KCNQ1OT1: variants seen among roughly 807,000 people sequenced by gnomAD.
KCNQ1OT1 encodes KCNQ1 antisense RNA 2 (non-protein coding).
chr11:2,638,189 A>G (rs1564841332), exon 1 of KCNQ1OT1: 2 of 152,148 alleles, frequency 1.3e-5, no homozygotes, highest in South Asian at 2.1e-4. Flanking sequence ...TTTAAGGTTA[A>G]TATTGTTATG....
exon 1 of KCNQ1OT1, chr11:2,672,268 C>A (rs893153938): frequency 5.0e-6 from 2 of 398,654 alleles, no homozygotes; most frequent in South Asian, 2.5e-4. Context: ...TTTTGAACTG[C>A]CCCACGAACC....
In KCNQ1OT1 at chr11:2,663,017, G is replaced by C. The variant is rs982806457; in HGVS notation, n.36978C>G. Reference sequence around the variant, plus strand: ...GGCCTTGCAAATCACTGAGGAAATCGGGACCCATGGTGCTGGGGGCTGCAG... The same window carrying C: ...GGCCTTGCAAATCACTGAGGAAATCCGGACCCATGGTGCTGGGGGCTGCAG... On this transcript the variant is annotated non_coding_transcript_exon_variant, in exon 1 of 1. Transcript: ENST00000597346. This position sits in a 1 kb window ranked among gnomAD's most constrained non-coding sequence, Gnocchi z 5.2. 7.5e-6 allele frequency: 3 copies of C among 398,734 alleles called. No individual in the cohort carries two copies. In the Admixed American group the frequency reaches 1.3e-4, roughly 18 times the overall value. 24.7% of individuals were successfully genotyped at this position (398,734 alleles called of 1,614,324 possible).
rs1473736668 is a variant in KCNQ1OT1, at chr11:2,698,749, CAG to C, written n.1244_1245del. On this transcript the variant is annotated non_coding_transcript_exon_variant, in exon 1 of 1. Transcript: ENST00000597346. The surrounding 1 kb of genome is among the most constrained non-coding windows in gnomAD (Gnocchi z 5.1). ...CTCGGACCTCCCTTGGATCTCAACT[CAG>C]AGCCATGATGCAGACTCCAGACCGG... The C allele has an allele frequency of 5.0e-6, 2 of 398,698 alleles. No homozygotes were observed. The highest frequency in any genetic ancestry group is 4.1e-5 in the African/African-American group (2 of 48,576). The allele number at this position is 398,698 out of a possible 1,614,324, so 24.7% of individuals were successfully genotyped here.
In KCNQ1OT1 at chr11:2,661,876, G is replaced by A; in HGVS notation, n.38119C>T. On this transcript the variant is annotated non_coding_transcript_exon_variant, in exon 1 of 1. Coordinates refer to ENST00000597346, the Ensembl canonical transcript of KCNQ1OT1. The surrounding 1 kb of genome is among the most constrained non-coding windows in gnomAD (Gnocchi z 5.9). Reference sequence around the variant, plus strand: ...AGGCACAAGCTCCACTCCTCACCTGGCCCTGGGAGCTCACAGGCCTGGCTC... The same window carrying A: ...AGGCACAAGCTCCACTCCTCACCTGACCCTGGGAGCTCACAGGCCTGGCTC... 1 of 1,557,188 alleles carries A rather than the reference G, an allele frequency of 6.4e-7. No individual in the cohort carries two copies. The highest frequency in any genetic ancestry group is 2.2e-5 in the East Asian group (1 of 44,582).
exon 1 of KCNQ1OT1, chr11:2,686,290 C>G: frequency 7.5e-6 from 3 of 398,726 alleles, no homozygotes; most frequent in Non-Finnish European, 1.3e-5. Context: ...CTTGGGAGGC[C>G]AGACCACAGA....
rs1849864579 is a variant in KCNQ1OT1 at position 2,657,144 on chromosome 11, G to A, written n.42851C>T. On this transcript the variant is annotated non_coding_transcript_exon_variant, in exon 1 of 1. Coordinates refer to ENST00000597346, the Ensembl canonical transcript of KCNQ1OT1. This position sits in a 1 kb window ranked among gnomAD's most constrained non-coding sequence, Gnocchi z 4.8. ...CCACTGCCTTGGAAGAAGTACTGATGTTTGGTACAGCAAGTTCTCCCACCT... is the reference window on the plus strand; with the variant it reads ...CCACTGCCTTGGAAGAAGTACTGATATTTGGTACAGCAAGTTCTCCCACCT... 5.0e-6 allele frequency: 2 copies of A among 398,502 alleles called. No individual in the cohort carries two copies. Among genetic ancestry groups the A allele is most frequent in the Non-Finnish European group, 8.8e-6 (2 of 226,064 alleles). The allele number at this position is 398,502 out of a possible 1,614,324, so 24.7% of individuals were successfully genotyped here. A position where few individuals can be genotyped will look rare whatever the true frequency, so the allele number is the denominator to read the frequency against.
exon 1 of KCNQ1OT1, chr11:2,660,783 T>G: frequency 2.5e-6 from 1 of 398,608 alleles, no homozygotes; most frequent in Non-Finnish European, 4.4e-6. Flanking sequence ...TACAACTTCT[T>G]GGGAAAGCAA....
exon 1 of KCNQ1OT1, chr11:2,648,583 G>A (rs1299914807): frequency 1.5e-5 from 6 of 398,378 alleles, no homozygotes; most frequent in Non-Finnish European, 2.2e-5. Context: ...TTCAATTTCA[G>A]AAGTTCCTCT....
Position 2,620,216 on chromosome 11 carries a change from T to TTTTTTTA in KCNQ1OT1, n.79778_79779insTAAAAAA, listed in dbSNP as rs1849144916. 1 of 277,704 alleles carries TTTTTTTA rather than the reference T, an allele frequency of 3.6e-6. No individual in the cohort carries two copies. The highest frequency in any genetic ancestry group is 2.3e-5 in the African/African-American group (1 of 44,306). 17.2% of individuals were successfully genotyped at this position (277,704 alleles called of 1,614,324 possible). ...TCATTCATGTATATATATATATTTT[T>TTTTTTTA]TTTTTTTATTTTTTTTTTAGACGGA... On this transcript the variant is annotated non_coding_transcript_exon_variant, in exon 1 of 1. Coordinates refer to ENST00000597346, the Ensembl canonical transcript of KCNQ1OT1. The surrounding 1 kb of genome is among the most constrained non-coding windows in gnomAD (Gnocchi z 4.5).
At chr11:2,618,353 T>C in exon 1 of KCNQ1OT1, 1 of 398,532 alleles carries the variant, frequency 2.5e-6, no homozygotes, top group Non-Finnish European at 4.4e-6. Context: ...GTTTACAAAT[T>C]TGTGTTGGGC....
chr11:2,631,957 C>A, exon 1 of KCNQ1OT1: 2 of 396,508 alleles, frequency 5.0e-6, no homozygotes, highest in East Asian at 3.6e-5. Context: ...CTGAGGAGGG[C>A]AGATCACAAG....
exon 1 of KCNQ1OT1, chr11:2,614,042 C>CTA: frequency 2.5e-6 from 1 of 398,590 alleles, no homozygotes; most frequent in Non-Finnish European, 4.4e-6. Flanking sequence ...TGTGACTGTG[C>CTA]TATAACCTTT....
rs1407236265 is a variant in KCNQ1OT1 at position 2,679,878 on chromosome 11, C to T, written n.20117G>A. On this transcript the variant is annotated non_coding_transcript_exon_variant, in exon 1 of 1. Coordinates refer to ENST00000597346, the Ensembl canonical transcript of KCNQ1OT1. The surrounding 1 kb of genome is among the most constrained non-coding windows in gnomAD (Gnocchi z 4.8). ...TTTTTTCATATAAACTTAGAACTAGCACGCCTAATTTTTTTTTTATTTTTA... is the reference window on the plus strand; with the variant it reads ...TTTTTTCATATAAACTTAGAACTAGTACGCCTAATTTTTTTTTTATTTTTA... 4 of 398,216 alleles carry T rather than the reference C, an allele frequency of 1.0e-5. No homozygotes were observed. The highest frequency in any genetic ancestry group is 1.3e-5 in the Non-Finnish European group (3 of 226,020). The allele number at this position is 398,216 out of a possible 1,614,324, so 24.7% of individuals were successfully genotyped here.
exon 1 of KCNQ1OT1, chr11:2,667,692 G>T: frequency 2.5e-6 from 1 of 398,754 alleles, no homozygotes; most frequent in South Asian, 1.3e-4. Context: ...GCACGGAGGT[G>T]ACCTAGTCAG....
At chr11:2,667,505 G>A (rs1850100021) in exon 1 of KCNQ1OT1, 1 of 398,182 alleles carries the variant, frequency 2.5e-6, no homozygotes, top group Non-Finnish European at 4.4e-6. Flanking sequence ...CGCCACAGAG[G>A]TGGCTGGAGG....
At position 2,687,808 on chromosome 11, in the gene KCNQ1OT1, C is replaced by T; in HGVS notation, n.12187G>A. The T allele has an allele frequency of 2.5e-6, 1 of 398,746 alleles. No homozygotes were observed. The highest frequency in any genetic ancestry group is 4.4e-6 in the Non-Finnish European group (1 of 226,172). 24.7% of individuals were successfully genotyped at this position (398,746 alleles called of 1,614,324 possible). On this transcript the variant is annotated non_coding_transcript_exon_variant, in exon 1 of 1. Coordinates refer to ENST00000597346, the Ensembl canonical transcript of KCNQ1OT1. This position sits in a 1 kb window ranked among gnomAD's most constrained non-coding sequence, Gnocchi z 5.0. The stretch of plus-strand genomic sequence containing the variant: ...CCCCTAAGCCACCCAGCCTGGCCCC[C>T]CTCCTCTGCCCCAACTGGCTCCAGG...
At position 2,677,513 on chromosome 11, in the gene KCNQ1OT1, T is replaced by C; in HGVS notation, n.22482A>G. 2.5e-6 allele frequency: 1 copy of C among 398,570 alleles called. No homozygotes were observed. The allele number at this position is 398,570 out of a possible 1,614,324, so 24.7% of individuals were successfully genotyped here. ...CAAAAAATGATCCTCTCTGTGGAAG[T>C]GCTGCCAACATCCTCTGCCAAGTAT... On this transcript the variant is annotated non_coding_transcript_exon_variant, in exon 1 of 1. Coordinates refer to ENST00000597346, the Ensembl canonical transcript of KCNQ1OT1. The surrounding 1 kb of genome is among the most constrained non-coding windows in gnomAD (Gnocchi z 4.5).
At position 2,695,323 on chromosome 11, in the gene KCNQ1OT1, T is replaced by C. The variant is rs1850655257; in HGVS notation, n.4672A>G. ...CAGCTTCTCCAGGGTAATTTATTTA[T>C]ATCATTGTGTGTGTGTGTGTGCACT... On this transcript the variant is annotated non_coding_transcript_exon_variant, in exon 1 of 1. Transcript: ENST00000597346. The surrounding 1 kb of genome is among the most constrained non-coding windows in gnomAD (Gnocchi z 5.2). 2 of 392,822 alleles carry C rather than the reference T, an allele frequency of 5.1e-6. No individual in the cohort carries two copies. Among genetic ancestry groups the C allele is most frequent in the Non-Finnish European group, 8.9e-6 (2 of 224,516 alleles). 24.3% of individuals were successfully genotyped at this position (392,822 alleles called of 1,614,324 possible). A position where few individuals can be genotyped will look rare whatever the true frequency, so the allele number is the denominator to read the frequency against.
At chr11:2,619,525 A>G (rs1849128367) in exon 1 of KCNQ1OT1, 1 of 398,594 alleles carries the variant, frequency 2.5e-6, no homozygotes, top group Non-Finnish European at 4.4e-6. Flanking sequence ...CCACATAGAC[A>G]TGATATATAA....
Sources: gnomAD v4.1 joint callset for allele counts on GRCh38, gnomAD v4.1.1 for gene constraint, Gnocchi (gnomAD v3.1) non-coding constraint, MANE v1.5 for transcripts, NCBI Gene and HGNC (gene_info 2026-07-23, HGNC 2026-07-21) for gene names.